Variants in SLC39A12 observed in about 807,000 individuals in gnomAD.
SLC39A12 encodes the protein solute carrier family 39 member 12.
A neutral mutation model predicts 71.1 loss-of-function variants in SLC39A12; 63 were observed. The observed-to-expected ratio is 0.89, with a 90% CI of 0.72 to 1.09. The LOEUF (loss-of-function observed/expected upper bound fraction) is 1.09, where lower values mean the gene tolerates loss of function less well. Among genes scored for constraint, SLC39A12 ranks in the 50% least tolerant of loss-of-function variants. The pLI, the probability that SLC39A12 is intolerant of heterozygous loss-of-function variation, is 0.00. For missense variants in SLC39A12, 892 were observed against 812.6 expected (o/e 1.10, Z -1.19); for synonymous variants, 351 against 301.3 (o/e 1.16, Z -1.71).
intron 4 of SLC39A12, among the ~76,000 whole-genome samples, chr10:17,975,091 T>G (rs1172551251): frequency 2.0e-5 from 3 of 152,176 alleles, no homozygotes; most frequent in Non-Finnish European, 4.4e-5. Context: ...CAATGTTCCC[T>G]TAAGGCCCAA....
At chr10:17,978,150 T>A in intron 5 of SLC39A12, 76 bp downstream of exon 5, 1 of 1,236,458 alleles carries the variant, frequency 8.1e-7, no homozygotes, top group Non-Finnish European at 1.1e-6. Context: ...TTATTAGAGT[T>A]GTAGAAAACT....
chr10:17,983,996 A>G (rs2437263), intron 6 of SLC39A12, among the ~76,000 whole-genome samples: 40,607 of 152,132 alleles, frequency 0.27, 6,214 homozygotes, highest in East Asian at 0.53. Flanking sequence ...ATCTTCGATT[A>G]AGTTTCCAGG....
intron 4 of SLC39A12, among the ~76,000 whole-genome samples, chr10:17,967,886 CAAAA>C (rs1175508363): frequency 0.016 from 2,107 of 131,448 alleles, 53 homozygotes; most frequent in African/African-American, 0.05. Context: ...GACTCCGCCT[CAAAA>C]AAAAAAAAAT....
At chr10:18,007,787 G>A (rs771262633) in intron 12 of SLC39A12, among the ~76,000 whole-genome samples, 8 of 152,146 alleles carry the variant, frequency 5.3e-5, no homozygotes, top group Admixed American at 1.3e-4. Flanking sequence ...TCTCATTGCC[G>A]TTTTGGTTTT....
intron 2 of SLC39A12, among the ~76,000 whole-genome samples, chr10:17,955,371 T>A (rs2130768699): frequency 6.6e-6 from 1 of 152,272 alleles, no homozygotes; most frequent in Non-Finnish European, 1.5e-5. Flanking sequence ...GAGTCTCAGC[T>A]TTACCTACTC....
intron 12 of SLC39A12, among the ~76,000 whole-genome samples, chr10:18,007,506 G>A (rs999857960): frequency 6.6e-6 from 1 of 152,114 alleles, no homozygotes; most frequent in African/African-American, 2.4e-5. Flanking sequence ...GTGCAAGAAA[G>A]AATTCAGAGA....
chr10:17,996,789 A>T (rs1201013863), intron 10 of SLC39A12, among the ~76,000 whole-genome samples: 1 of 152,074 alleles, frequency 6.6e-6, no homozygotes, highest in African/African-American at 2.4e-5. Context: ...CGAGGTCAGG[A>T]GATCGAGACC....
At chr10:18,006,474 C>T (rs1458058437) in intron 12 of SLC39A12, among the ~76,000 whole-genome samples, 1 of 152,158 alleles carries the variant, frequency 6.6e-6, no homozygotes, top group Admixed American at 6.5e-5. Flanking sequence ...ACTGGGTTTC[C>T]TTCAAAGCAG....
intron 12 of SLC39A12, among the ~76,000 whole-genome samples, chr10:18,011,227 T>A (rs543636113): frequency 1.4e-3 from 207 of 152,128 alleles, no homozygotes; most frequent in African/African-American, 4.7e-3. Context: ...GTAGCTGGGA[T>A]TGCAAACATG....
chr10:18,022,727 G>T (rs1009306933), intron 12 of SLC39A12, among the ~76,000 whole-genome samples: 1 of 152,136 alleles, frequency 6.6e-6, no homozygotes, highest in South Asian at 2.1e-4. Flanking sequence ...AGTTGCCAGG[G>T]TTCTTGTGCT....
intron 12 of SLC39A12, among the ~76,000 whole-genome samples, chr10:18,024,864 G>T (rs534432864): frequency 3.9e-5 from 6 of 152,152 alleles, no homozygotes; most frequent in Non-Finnish European, 5.9e-5. Context: ...AATACACCAT[G>T]TATCTTTGAT....
chr10:18,036,779 TATATATATATA>T (rs1331435569), intron 12 of SLC39A12, among the ~76,000 whole-genome samples: 884 of 16,556 alleles, frequency 0.053, 71 homozygotes, highest in African/African-American at 0.14. Flanking sequence ...TATATATATA[TATATATATATA>T]TATATTTTTT....
In SLC39A12 at chr10:18,003,169, A is replaced by G. The variant is rs1383574867; in HGVS notation, c.1760-2A>G. The G allele has an allele frequency of 6.2e-7, 1 of 1,611,150 alleles. No individual in the cohort carries two copies. The highest frequency in any genetic ancestry group is 8.5e-7 in the Non-Finnish European group (1 of 1,179,206). On this transcript the variant is annotated splice_acceptor_variant, in intron 11 of 12. Transcript: ENST00000377369. LOFTEE classifies it high-confidence loss of function. ...ATATTTTCCTTTCCTCTTAAACTTC[A>G]GGAGACTTTGCCGTGCTCTTAAGCT...
chr10:18,001,698 A>T (rs1359784666), intron 11 of SLC39A12: 1 of 152,102 alleles, frequency 6.6e-6, no homozygotes, highest in African/African-American at 2.4e-5. Context: ...TTTTGTGGGT[A>T]CATAGTGGTT....
At chr10:17,992,582 C>G (rs1018810600) in intron 8 of SLC39A12, among the ~76,000 whole-genome samples, 8 of 152,088 alleles carry the variant, frequency 5.3e-5, no homozygotes, top group African/African-American at 1.9e-4. Flanking sequence ...CCCACTTATA[C>G]CCAATGGATT....
At chr10:17,973,617 TC>T (rs1382518201) in intron 4 of SLC39A12, among the ~76,000 whole-genome samples, 29 of 152,302 alleles carry the variant, frequency 1.9e-4, no homozygotes, top group African/African-American at 7.0e-4. Flanking sequence ...ATGTTGGAGT[TC>T]CATTGTATAT....
At chr10:17,966,873 C>G (rs1834838428) in intron 4 of SLC39A12, among the ~76,000 whole-genome samples, 2 of 151,830 alleles carry the variant, frequency 1.3e-5, no homozygotes, top group South Asian at 2.1e-4. Flanking sequence ...ACTCCGGAGG[C>G]TGAGGCAGGA....
chr10:17,985,440 T>TAA (rs1194756054), intron 6 of SLC39A12, among the ~76,000 whole-genome samples: 2 of 137,926 alleles, frequency 1.5e-5, no homozygotes, highest in East Asian at 4.5e-4. Flanking sequence ...TAAGAAACTT[T>TAA]AAGAGGATAG....
At chr10:18,020,976 A>G (rs1200957389) in intron 12 of SLC39A12, among the ~76,000 whole-genome samples, 1 of 152,082 alleles carries the variant, frequency 6.6e-6, no homozygotes, top group African/African-American at 2.4e-5. Flanking sequence ...TAGTTTAATG[A>G]GGTCCCACTT....
Sources: gnomAD v4.1 joint callset for allele counts (sites outside exome capture counted in the v4.1 genomes callset) on GRCh38, gnomAD v4.1.1 for gene constraint, MANE v1.5 for transcripts, NCBI Gene and HGNC (gene_info 2026-07-23, HGNC 2026-07-21) for gene names.